AUNIP: variants seen among roughly 807,000 people sequenced by gnomAD.
AUNIP encodes aurora kinase A and ninein interacting protein, also known as aurora kinase A- and ninein-interacting protein.
AUNIP carries 16 observed loss-of-function variants against 12.2 expected under a neutral mutation model. The observed-to-expected ratio is 1.31, with a 90% confidence interval of 0.88 to 1.99. The LOEUF (loss-of-function observed/expected upper bound fraction) is 1.99. Among genes scored for constraint, AUNIP ranks in the 30% most tolerant of loss-of-function variants. The probability of loss-of-function intolerance (pLI) is 0.00; values close to 1 mark genes in which losing one functional copy is unlikely to be tolerated. For missense variants in AUNIP, 411 were observed against 419.1 expected, an observed-to-expected ratio of 0.98 and a Z score of 0.17; for synonymous variants, 142 against 154.8, an observed-to-expected ratio of 0.92 and a Z score of 0.61.
intron 1 of AUNIP, among the ~76,000 whole-genome samples, chr1:25,851,386 G>A (rs147607142): frequency 6.6e-6 from 1 of 152,162 alleles, no homozygotes; most frequent in Non-Finnish European, 1.5e-5. Flanking sequence ...GCCTCAAAAT[G>A]AGTTGGAAAG....
downstream of AUNIP, chr1:25,831,970 G>A: frequency 6.2e-7 from 1 of 1,614,218 alleles, no homozygotes. Flanking sequence ...TATCTCTGAG[G>A]TCCTAAGGAG....
In AUNIP at chr1:25,834,011, T is replaced by G. The variant is rs1371645451; in HGVS notation, c.*982A>C. 3.1e-6 allele frequency: 3 copies of G among 983,496 alleles called. No individual in the cohort carries two copies. The African/African-American group carries it at 5.2e-5, about 17-fold the overall frequency. The allele number at this position is 983,496 out of a possible 1,614,324, so 60.9% of individuals were successfully genotyped here. On this transcript the variant is annotated 3_prime_UTR_variant, in exon 3 of 3. Coordinates refer to ENST00000374298, the MANE Select transcript of AUNIP (RefSeq NM_024037.3). ...TTACCAATTATCACAAGAGCCACTT[T>G]GTAAACATTTATTTGGATTCATAGT...
chr1:25,837,118 G>A (rs1270153109), intron 2 of AUNIP, among the ~76,000 whole-genome samples: 1 of 152,124 alleles, frequency 6.6e-6, no homozygotes, highest in Non-Finnish European at 1.5e-5. Context: ...TAATGGCAGG[G>A]CAACTCCCCA....
At position 25,834,689 on chromosome 1, in the gene AUNIP, T is replaced by C; in HGVS notation, c.*304A>G. 1 of 1,117,994 alleles carries C rather than the reference T, an allele frequency of 8.9e-7. No individual in the cohort carries two copies. Among genetic ancestry groups the C allele is most frequent in the Non-Finnish European group, 1.1e-6 (1 of 913,734 alleles). 69.3% of individuals were successfully genotyped at this position (1,117,994 alleles called of 1,614,324 possible). A position where few individuals can be genotyped will look rare whatever the true frequency, so the allele number is the denominator to read the frequency against. ...ATCTGGAAGGGCAAAGAGATGGCTC[T>C]GTGCAGGCTGAGTAAAAGGCACTTT... On this transcript the variant is annotated 3_prime_UTR_variant, in exon 3 of 3. Coordinates refer to ENST00000374298, the MANE Select transcript of AUNIP (RefSeq NM_024037.3).
At chr1:25,846,360 A>G (rs1471204911) in intron 1 of AUNIP, among the ~76,000 whole-genome samples, 1 of 138,690 alleles carries the variant, frequency 7.2e-6, no homozygotes, top group African/African-American at 2.7e-5. Context: ...TGGAGGCTTC[A>G]GTGAGCAGAG....
chr1:25,837,789 T>G (rs1285093193), intron 1 of AUNIP, among the ~76,000 whole-genome samples: 1 of 152,190 alleles, frequency 6.6e-6, no homozygotes, highest in Non-Finnish European at 1.5e-5. Context: ...TGCTTCCCCA[T>G]GGAAATCAGG....
chr1:25,839,540 G>A (rs1019501375), intron 1 of AUNIP, among the ~76,000 whole-genome samples: 5 of 152,202 alleles, frequency 3.3e-5, no homozygotes, highest in Non-Finnish European at 7.3e-5. Flanking sequence ...TCATCCTTTA[G>A]TAGTAGAGCT....
chr1:25,845,673 T>C (rs1252259367), intron 1 of AUNIP, among the ~76,000 whole-genome samples: 1 of 152,166 alleles, frequency 6.6e-6, no homozygotes, highest in African/African-American at 2.4e-5. Flanking sequence ...GAACTTAATA[T>C]AGCTTAATAC....
chr1:25,851,642 G>A (rs949412518), intron 1 of AUNIP, among the ~76,000 whole-genome samples: 4 of 152,176 alleles, frequency 2.6e-5, no homozygotes, highest in Non-Finnish European at 5.9e-5. Context: ...CTTGAGGCAA[G>A]TTTGGTAGTC....
intron 1 of AUNIP, among the ~76,000 whole-genome samples, chr1:25,849,402 C>T (rs1352221035): frequency 1.3e-5 from 2 of 152,180 alleles, no homozygotes; most frequent in Non-Finnish European, 2.9e-5. Context: ...CTAGCCTTAG[C>T]AGTCATTCCT....
At chr1:25,831,971 T>C (rs767522440), downstream of AUNIP, 1 of 1,614,070 alleles carries the variant, frequency 6.2e-7, no homozygotes, top group African/African-American at 1.3e-5. Flanking sequence ...ATCTCTGAGG[T>C]CCTAAGGAGG....
rs1303466619 is a variant in AUNIP at position 25,847,040 on chromosome 1, A to G, written c.79-9486T>C. On this transcript the variant is annotated intron_variant, in intron 1 of 2. Coordinates refer to ENST00000374298, the MANE Select transcript of AUNIP (RefSeq NM_024037.3). This position sits in a 1 kb window ranked among gnomAD's most constrained non-coding sequence, Gnocchi z 4.2. The stretch of plus-strand genomic sequence containing the variant: ...AACTTCAACAGAAGTATTGTAGTAT[A>G]TGGATACAATCAGCAGCTATATACC... Among the ~76,000 whole-genome samples the G allele has an allele frequency of 2.0e-5, 3 of 152,238 alleles. No homozygotes were observed. The highest frequency in any genetic ancestry group is 7.2e-5 in the African/African-American group (3 of 41,468).
chr1:25,855,432 G>GA (rs1417495132), intron 1 of AUNIP, among the ~76,000 whole-genome samples: 1 of 152,010 alleles, frequency 6.6e-6, no homozygotes, highest in Non-Finnish European at 1.5e-5. Context: ...AAAGTGCTGA[G>GA]ATTACAGGCA....
downstream of AUNIP, among the ~76,000 whole-genome samples, chr1:25,833,122 TTTC>T: frequency 6.6e-6 from 1 of 152,206 alleles, no homozygotes; most frequent in South Asian, 2.1e-4. Context: ...CTATACTCTT[TTTC>T]TTTTTTTTAG....
chr1:25,835,143 A>C lies in AUNIP; in HGVS notation c.924T>G (p.Asp308Glu). The C allele has an allele frequency of 6.2e-7, 1 of 1,614,194 alleles. No homozygotes were observed. The highest frequency in any genetic ancestry group is 8.5e-7 in the Non-Finnish European group (1 of 1,180,032). ...IAHNTRAPFQ[D>E]VTNNWNWDLG... ...AGTCCCAATTCCAGTTATTGGTTAC[A>C]TCTTGAAAAGGAGCTCTAGTGTTGT... is the stretch of plus-strand genomic sequence containing the variant. The change falls in exon 3 of 3, where the codon GAT becomes GAG. Residue 308 changes from aspartate (D) to glutamate (E), a missense_variant. By Grantham distance (45) the Asp-to-Glu change is conservative. Transcript: ENST00000374298.
intron 1 of AUNIP, among the ~76,000 whole-genome samples, chr1:25,838,787 A>G (rs1393348662): frequency 6.6e-6 from 1 of 152,218 alleles, no homozygotes; most frequent in African/African-American, 2.4e-5. Flanking sequence ...TTGCTTGTTA[A>G]AGAATGCCTG....
rs1267234701 is a variant in AUNIP, at chr1:25,847,671, A to G, written c.79-10117T>C. The stretch of plus-strand genomic sequence containing the variant: ...TAATAAACCAAAATAAAAATAAACA[A>G]CTGGCCAGACACAGTGGCTCACACC... On this transcript the variant is annotated intron_variant, in intron 1 of 2. Transcript: ENST00000374298. The surrounding 1 kb of genome is among the most constrained non-coding windows in gnomAD (Gnocchi z 4.2). Among the ~76,000 whole-genome samples the G allele has an allele frequency of 1.3e-5, 2 of 151,932 alleles. No individual in the cohort carries two copies. Among genetic ancestry groups the G allele is most frequent in the Non-Finnish European group, 2.9e-5 (2 of 67,986 alleles).
chr1:25,835,162 G>A lies in AUNIP; in HGVS notation c.905C>T (p.Thr302Ile). The stretch of plus-strand genomic sequence containing the variant: ...GGTTACATCTTGAAAAGGAGCTCTA[G>A]TGTTGTGGGCAATGACCCGCTGGCC... Reference protein sequence around the residue: ...SQGQRVIAHNTRAPFQDVTNN... With the variant: ...SQGQRVIAHNIRAPFQDVTNN... The change falls in exon 3 of 3, where the codon ACT becomes ATT. Residue 302 changes from threonine to isoleucine, a missense_variant. Coordinates refer to ENST00000374298, the MANE Select transcript of AUNIP (RefSeq NM_024037.3). 6.2e-7 allele frequency: 1 copy of A among 1,614,196 alleles called. No individual in the cohort carries two copies. The highest frequency in any genetic ancestry group is 8.5e-7 in the Non-Finnish European group (1 of 1,180,028).
Position 25,835,483 on chromosome 1 carries a change from G to A in AUNIP, c.584C>T (p.Ala195Val). The A allele has an allele frequency of 1.2e-6, 2 of 1,614,132 alleles. No individual in the cohort carries two copies. Among genetic ancestry groups the A allele is most frequent in the East Asian group, 4.5e-5 (2 of 44,886 alleles). The change falls in exon 3 of 3, where the codon GCC becomes GTC. Residue 195 changes from alanine (A) to valine (V), a missense_variant. Coordinates refer to ENST00000374298, the MANE Select transcript of AUNIP (RefSeq NM_024037.3). Reference sequence around the variant, plus strand: ...CTCATGAAGCCATTCCCATTTCCTGGCAGAATCCCCTTTTTCTTCCTTTCG... The same window carrying A: ...CTCATGAAGCCATTCCCATTTCCTGACAGAATCCCCTTTTTCTTCCTTTCG... The part of the protein sequence containing the change: ...LDRKEEKGDS[A>V]RKWEWLHESK...
Sources: allele counts gnomAD v4.1 joint callset (sites outside exome capture counted in the v4.1 genomes callset), GRCh38; gene constraint gnomAD v4.1.1; non-coding constraint Gnocchi (gnomAD v3.1); transcripts MANE v1.5; gene names NCBI Gene and HGNC (gene_info 2026-07-23, HGNC 2026-07-21).